Variants in AOAH observed in about 807,000 individuals in gnomAD.
AOAH encodes acyloxyacyl hydrolase (neutrophil).
A neutral mutation model predicts 92.2 loss-of-function variants in AOAH; 64 were observed. The ratio of observed to expected loss-of-function variants is 0.69; its 90% CI spans 0.57 to 0.86. The LOEUF (loss-of-function observed/expected upper bound fraction) is 0.86. AOAH is among the 40% of genes least tolerant of loss of function. The pLI is 0.00. For synonymous variants in AOAH, 263 were observed against 254.5 expected, an observed-to-expected ratio of 1.03 and a Z score of -0.32; for missense variants, 656 against 694.6, an observed-to-expected ratio of 0.94 and a Z score of 0.62.
chr7:36,584,223 T>G (rs1409613975), intron 12 of AOAH, among the ~76,000 whole-genome samples: 1 of 152,252 alleles, frequency 6.6e-6, no homozygotes, highest in Non-Finnish European at 1.5e-5. Context: ...CTTATTTGAC[T>G]TAACACGTCT....
chr7:36,529,458 A>T (rs901880670), intron 19 of AOAH, among the ~76,000 whole-genome samples: 2 of 152,184 alleles, frequency 1.3e-5, no homozygotes, highest in African/African-American at 4.8e-5. Context: ...GTTAAGGGAG[A>T]CCAGTCTTGT....
intron 9 of AOAH, among the ~76,000 whole-genome samples, chr7:36,620,190 T>G (rs1201579700): frequency 6.6e-6 from 1 of 152,206 alleles, no homozygotes. Flanking sequence ...CTTTTTTTCA[T>G]GAGGAACCCT....
intron 5 of AOAH, 81 bp downstream of exon 5, chr7:36,637,770 G>A: frequency 7.7e-7 from 1 of 1,305,160 alleles, no homozygotes. Context: ...AGTAGTCCTT[G>A]CCTTTGGGAT....
intron 11 of AOAH, among the ~76,000 whole-genome samples, chr7:36,615,734 C>T (rs1057417160): frequency 9.2e-5 from 14 of 152,198 alleles, no homozygotes; most frequent in Admixed American, 8.5e-4. Context: ...TATGTCTACC[C>T]CATATTTAGG....
chr7:36,674,067 C>A, intron 2 of AOAH, 58 bp from the exon 3 acceptor site: 2 of 932,738 alleles, frequency 2.1e-6, no homozygotes, highest in South Asian at 1.4e-5. Context: ...TTTAACACAC[C>A]TTAATAATGA....
At chr7:36,579,167 TA>T (rs11306626) in intron 12 of AOAH, among the ~76,000 whole-genome samples, 21,352 of 149,974 alleles carry the variant, frequency 0.14, 1,802 homozygotes, top group East Asian at 0.25. Context: ...TAAAACTGCT[TA>T]AAAAAAAAAT....
intron 6 of AOAH, among the ~76,000 whole-genome samples, chr7:36,624,309 C>G (rs1391765685): frequency 6.6e-6 from 1 of 152,184 alleles, no homozygotes; most frequent in African/African-American, 2.4e-5. Context: ...GTAACACAAC[C>G]TTTTATAGGA....
chr7:36,677,043 C>T (rs76494482), intron 2 of AOAH, among the ~76,000 whole-genome samples: 2,381 of 151,904 alleles, frequency 0.016, 59 homozygotes, highest in African/African-American at 0.054. Flanking sequence ...AGATATGACA[C>T]CAAAAGCACA....
intron 1 of AOAH, among the ~76,000 whole-genome samples, chr7:36,702,262 A>T (rs1027873053): frequency 9.9e-5 from 15 of 152,114 alleles, no homozygotes; most frequent in African/African-American, 3.4e-4. Context: ...AGTGCTTTTC[A>T]TTCCTTCCTA....
chr7:36,663,531 C>A (rs1197159034), intron 3 of AOAH, among the ~76,000 whole-genome samples: 1 of 152,212 alleles, frequency 6.6e-6, no homozygotes, highest in Admixed American at 6.5e-5. Context: ...CATAGTTTTG[C>A]CTTTTCCAGG....
intron 11 of AOAH, among the ~76,000 whole-genome samples, chr7:36,608,899 TTGC>T (rs1791193892): frequency 7.1e-5 from 2 of 28,280 alleles, no homozygotes; most frequent in African/African-American, 2.6e-4. Context: ...TTAGGAGCTG[TTGC>T]GGCGGGGAGG....
At chr7:36,616,326 G>T in intron 11 of AOAH, 54 bp downstream of exon 11, 2 of 1,447,188 alleles carry the variant, frequency 1.4e-6, no homozygotes, top group Non-Finnish European at 1.9e-6. Flanking sequence ...AGAGCAAGAG[G>T]AAACAAAAAC....
rs111484383 is a variant in AOAH, at chr7:36,576,782, G to A, written c.939-126C>T. On this transcript the variant is annotated intron_variant, in intron 12 of 20. Coordinates refer to ENST00000617537, the MANE Select transcript of AOAH (RefSeq NM_001637.4). ...AATGAACTCAAAAAATCAAATCTCT[G>A]CTGACAAGTTTTCTCTGAACTGTGA... The A allele has an allele frequency of 2.3e-4, 119 of 510,782 alleles. 5 individuals carry two copies. In the Middle Eastern group the frequency reaches 3.2e-3, roughly 14 times the overall value. The allele number at this position is 510,782 out of a possible 1,614,324, so 31.6% of individuals were successfully genotyped here. A position where few individuals can be genotyped will look rare whatever the true frequency, so the allele number is the denominator to read the frequency against.
At chr7:36,681,803 G>GAAAC (rs1554315500) in intron 2 of AOAH, among the ~76,000 whole-genome samples, 4 of 152,144 alleles carry the variant, frequency 2.6e-5, no homozygotes, top group South Asian at 4.1e-4. Flanking sequence ...TCTGTCTCCA[G>GAAAC]AAATAAATAA....
At position 36,593,051 on chromosome 7, in the gene AOAH, C is replaced by T. The variant is rs115533509; in HGVS notation, c.938+1288G>A. On this transcript the variant is annotated intron_variant, in intron 12 of 20. Transcript: ENST00000617537. Reference sequence around the variant, plus strand: ...ATGACCCCAGTCTCCCATGTGTTACCCACCCAAAGGAAGTGACTGTTGATC... The same window carrying T: ...ATGACCCCAGTCTCCCATGTGTTACTCACCCAAAGGAAGTGACTGTTGATC... Among the ~76,000 whole-genome samples the T allele has an allele frequency of 4.4e-3, 664 of 152,244 alleles. 2 individuals carry two copies. Among genetic ancestry groups the T allele is most frequent in the African/African-American group, 0.013 (557 of 41,538 alleles).
rs1302209434 is a variant in AOAH, at chr7:36,556,644, C to G, written c.1022-7169G>C. The stretch of plus-strand genomic sequence containing the variant: ...AAGTCTCTTTGTAGGTCACTCAGGA[C>G]TTGCTTTATGAATCTGGGTGCTCCT... On this transcript the variant is annotated intron_variant, in intron 13 of 20. Coordinates refer to ENST00000617537, the MANE Select transcript of AOAH (RefSeq NM_001637.4). Among the ~76,000 whole-genome samples, 14 of 145,304 alleles carry G rather than the reference C, an allele frequency of 9.6e-5. No individual in the cohort carries two copies. In the South Asian group the frequency reaches 1.6e-3, roughly 17 times the overall value.
At chr7:36,606,158 T>C (rs1270758358) in intron 11 of AOAH, among the ~76,000 whole-genome samples, 3 of 152,206 alleles carry the variant, frequency 2.0e-5, no homozygotes, top group Non-Finnish European at 2.9e-5. Context: ...CATGAAAATC[T>C]TCCTCTGTGC....
At chr7:36,577,039 T>C (rs1324979588) in intron 12 of AOAH, among the ~76,000 whole-genome samples, 3 of 151,934 alleles carry the variant, frequency 2.0e-5, no homozygotes, top group African/African-American at 4.8e-5. Flanking sequence ...TTTTTTTTTT[T>C]TTGGTTGCTA....
intron 3 of AOAH, among the ~76,000 whole-genome samples, chr7:36,669,017 T>G (rs1795736307): frequency 6.6e-6 from 1 of 152,224 alleles, no homozygotes; most frequent in Non-Finnish European, 1.5e-5. Flanking sequence ...ATTGATTGCT[T>G]GAATTAGAAT....
Sources: gnomAD v4.1 joint callset for allele counts (sites outside exome capture counted in the v4.1 genomes callset) on GRCh38, gnomAD v4.1.1 for gene constraint, MANE v1.5 for transcripts, NCBI Gene and HGNC (gene_info 2026-07-23, HGNC 2026-07-21) for gene names.